Variants in ZBTB43 observed in about 807,000 individuals in gnomAD.
ZBTB43 encodes the protein zinc finger and BTB domain-containing protein 43.
In ZBTB43, 6 loss-of-function variants were observed where a neutral mutation model predicts 31.1. The ratio of observed to expected loss-of-function variants is 0.19; its 90% CI spans 0.11 to 0.38. The LOEUF is 0.38. Among genes scored for constraint, ZBTB43 ranks in the 10% least tolerant of loss-of-function variants. ZBTB43 has a pLI of 1.00. For missense variants in ZBTB43, 379 were observed against 602.1 expected (o/e 0.63, Z 3.88); for synonymous variants, 212 against 221.7 (o/e 0.96, Z 0.39).
chr9:126,824,784 A>G (rs2032595916), intron 2 of ZBTB43, among the ~76,000 whole-genome samples: 1 of 152,184 alleles, frequency 6.6e-6, no homozygotes, highest in Admixed American at 6.5e-5. Flanking sequence ...AGCTTCTTGA[A>G]TGTGTAGATT....
intron 2 of ZBTB43, among the ~76,000 whole-genome samples, chr9:126,831,193 T>C (rs1259626911): frequency 6.6e-6 from 1 of 152,154 alleles, no homozygotes; most frequent in Non-Finnish European, 1.5e-5. Flanking sequence ...CTGACTGTAC[T>C]CTAGTCTAAT....
intron 1 of ZBTB43, among the ~76,000 whole-genome samples, chr9:126,806,824 G>C (rs565537122): frequency 1.3e-5 from 2 of 152,234 alleles, no homozygotes; most frequent in Non-Finnish European, 2.9e-5. Flanking sequence ...GAAAAGTTTA[G>C]TTAAATGAAT....
rs772274175 is a variant in ZBTB43 at position 126,833,590 on chromosome 9, G to A, written c.1081G>A (p.Ala361Thr). Residue 361 changes from alanine (A) to threonine (T), a missense_variant, in exon 3 of 3, where the codon GCT becomes ACT. Around this residue, in one of 5 missense-constraint regions of ZBTB43, gnomAD observed 253 missense variants for 322.3 expected, o/e 0.79. Transcript: ENST00000373464. The surrounding 1 kb of genome is among the most constrained non-coding windows in gnomAD (Gnocchi z 7.9). ...IEMVTGIKEE[A>T]SHLGFSATDK... Reference sequence around the variant, plus strand: ...AATGGTAACAGGGATTAAAGAAGAAGCTTCCCACTTAGGATTCTCAGCCAC... The same window carrying A: ...AATGGTAACAGGGATTAAAGAAGAAACTTCCCACTTAGGATTCTCAGCCAC... The A allele has an allele frequency of 1.2e-6, 2 of 1,614,094 alleles. No homozygotes were observed. The highest frequency in any genetic ancestry group is 1.1e-5 in the South Asian group (1 of 91,086).
Position 126,835,308 on chromosome 9 carries a change from G to A in ZBTB43, c.*1395G>A, listed in dbSNP as rs2032856240. On this transcript the variant is annotated 3_prime_UTR_variant, in exon 3 of 3. Transcript: ENST00000373464. ...TTAGATGATTTAGGTTAAAAAGAAA[G>A]GTAATATTGCACATGCTTTTAAGCT... 1 of 167,016 alleles carries A rather than the reference G, an allele frequency of 6.0e-6. No homozygotes were observed. The highest frequency in any genetic ancestry group is 1.5e-5 in the Non-Finnish European group (1 of 68,110). The allele number at this position is 167,016 out of a possible 1,614,324, so 10.3% of individuals were successfully genotyped here. A position where few individuals can be genotyped will look rare whatever the true frequency, so the allele number is the denominator to read the frequency against.
At position 126,834,763 on chromosome 9, in the gene ZBTB43, C is replaced by T. The variant is rs867109988; in HGVS notation, c.*850C>T. On this transcript the variant is annotated 3_prime_UTR_variant, in exon 3 of 3. Transcript: ENST00000373464. ...TGGGGTCTTCTCTGTGGCTGGTAGA[C>T]ACCAAGCTGCTGTGACTGACCACGG... 4.1e-4 allele frequency: 69 copies of T among 167,126 alleles called. No individual in the cohort carries two copies. Among genetic ancestry groups the T allele is most frequent in the Middle Eastern group, 3.4e-3 (1 of 296 alleles). The allele number at this position is 167,126 out of a possible 1,614,324, so 10.4% of individuals were successfully genotyped here.
Position 126,833,599 on chromosome 9 carries a change from T to C in ZBTB43, c.1090T>C (p.Leu364=). 6.2e-7 allele frequency: 1 copy of C among 1,614,100 alleles called. No homozygotes were observed. Among genetic ancestry groups the C allele is most frequent in the Non-Finnish European group, 8.5e-7 (1 of 1,179,998 alleles). ...AGGGATTAAAGAAGAAGCTTCCCAC[T>C]TAGGATTCTCAGCCACTGACAAGCT... ...VTGIKEEASH[L]GFSATDKLYP... The change falls in exon 3 of 3, where the codon TTA becomes CTA. Residue 364 remains leucine, a synonymous_variant. Coordinates refer to ENST00000373464, the MANE Select transcript of ZBTB43 (RefSeq NM_014007.4). The surrounding 1 kb of genome is among the most constrained non-coding windows in gnomAD (Gnocchi z 7.9).
intron 2 of ZBTB43, among the ~76,000 whole-genome samples, chr9:126,812,184 C>G (rs2032266228): frequency 6.6e-6 from 1 of 151,326 alleles, no homozygotes; most frequent in Non-Finnish European, 1.5e-5. Flanking sequence ...CCTTTTGTGT[C>G]CGACCTCTTT....
chr9:126,812,049 C>A (rs1231356219), intron 2 of ZBTB43, among the ~76,000 whole-genome samples: 1 of 152,104 alleles, frequency 6.6e-6, no homozygotes. Context: ...TTTTGTCTCC[C>A]CTCAAAGAAA....
At chr9:126,823,816 T>C (rs1202573925) in intron 2 of ZBTB43, among the ~76,000 whole-genome samples, 2 of 152,234 alleles carry the variant, frequency 1.3e-5, no homozygotes, top group Admixed American at 6.5e-5. Context: ...TTTTAAACTT[T>C]TAACAACTTA....
At chr9:126,812,081 A>T (rs961441032) in intron 2 of ZBTB43, among the ~76,000 whole-genome samples, 8 of 151,808 alleles carry the variant, frequency 5.3e-5, no homozygotes, top group Non-Finnish European at 4.4e-5. Context: ...GTTGCTCCCC[A>T]TTTCTTCTAC....
chr9:126,821,833 A>G (rs563556481), intron 2 of ZBTB43, among the ~76,000 whole-genome samples: 45 of 152,282 alleles, frequency 3.0e-4, no homozygotes, highest in African/African-American at 9.4e-4. Context: ...ATGTGACCCA[A>G]CACAAATTCA....
At chr9:126,822,131 C>G (rs557461234) in intron 2 of ZBTB43, among the ~76,000 whole-genome samples, 1 of 151,208 alleles carries the variant, frequency 6.6e-6, no homozygotes, top group South Asian at 2.1e-4. Context: ...GCTGGGATTA[C>G]AGGCATGAGC....
intron 2 of ZBTB43, among the ~76,000 whole-genome samples, chr9:126,819,040 G>C (rs1040047215): frequency 6.6e-6 from 1 of 152,098 alleles, no homozygotes; most frequent in Admixed American, 6.6e-5. Context: ...GTCTTTAAGG[G>C]TATTGTTTAA....
chr9:126,827,783 G>A (rs551347429), intron 2 of ZBTB43, among the ~76,000 whole-genome samples: 1 of 152,072 alleles, frequency 6.6e-6, no homozygotes, highest in Non-Finnish European at 1.5e-5. Flanking sequence ...TGAGGCGGGC[G>A]GATCACCTGA....
chr9:126,817,914 C>T (rs1371674742), intron 2 of ZBTB43, among the ~76,000 whole-genome samples: 1 of 152,024 alleles, frequency 6.6e-6, no homozygotes, highest in Non-Finnish European at 1.5e-5. Flanking sequence ...TAGCATGTTG[C>T]AGGTCAGAGA....
rs2032836062 is a variant in ZBTB43, at chr9:126,834,447, C to T, written c.*534C>T. 1 of 167,212 alleles carries T rather than the reference C, an allele frequency of 6.0e-6. No individual in the cohort carries two copies. Among genetic ancestry groups the T allele is most frequent in the African/African-American group, 2.4e-5 (1 of 41,420 alleles). The allele number at this position is 167,212 out of a possible 1,614,324, so 10.4% of individuals were successfully genotyped here. ...GCTCTGTTGTCTGGTTTTAGTCTTT[C>T]TAAAGGATATTTTAACTAAAACTAT... On this transcript the variant is annotated 3_prime_UTR_variant, in exon 3 of 3. Transcript: ENST00000373464.
intron 2 of ZBTB43, among the ~76,000 whole-genome samples, chr9:126,822,736 T>C (rs2032543223): frequency 6.6e-6 from 1 of 152,072 alleles, no homozygotes. Flanking sequence ...CGAGACCCTA[T>C]CTTGGGAAAC....
intron 2 of ZBTB43, 161 bp from the exon 3 acceptor site, chr9:126,832,326 G>A (rs1028825908): frequency 4.1e-5 from 27 of 665,600 alleles, no homozygotes; most frequent in Middle Eastern, 4.2e-4. Context: ...TGGCAAACAC[G>A]CACCTGCAAG....
At chr9:126,816,974 T>G (rs1473769152) in intron 2 of ZBTB43, among the ~76,000 whole-genome samples, 1 of 152,186 alleles carries the variant, frequency 6.6e-6, no homozygotes, top group African/African-American at 2.4e-5. Context: ...GACCTGTCTG[T>G]CCTTGGCTTT....
Sources: gnomAD v4.1 joint callset for allele counts (sites outside exome capture counted in the v4.1 genomes callset) on GRCh38, gnomAD v4.1.1 for gene constraint, gnomAD v4.1.1 regional missense constraint, Gnocchi (gnomAD v3.1) non-coding constraint, MANE v1.5 for transcripts, NCBI Gene and HGNC (gene_info 2026-07-23, HGNC 2026-07-21) for gene names.